ZRANB1: variants seen among roughly 807,000 people sequenced by gnomAD.
The protein encoded by ZRANB1 is zinc finger RANBP2-type containing 1.
In ZRANB1, 16 loss-of-function variants were observed where a neutral mutation model predicts 80.5. The observed-to-expected ratio is 0.20, with a 90% CI of 0.13 to 0.30. The LOEUF (loss-of-function observed/expected upper bound fraction) is 0.30. ZRANB1 is among the 10% of genes least tolerant of loss of function. ZRANB1 has a pLI of 1.00. For missense variants in ZRANB1, 576 were observed against 862.6 expected (o/e 0.67, Z 4.16); for synonymous variants, 291 against 293.1 (o/e 0.99, Z 0.07).
At position 124,942,452 on chromosome 10, in the gene ZRANB1, T is replaced by G. The variant is rs372706643; in HGVS notation, c.-42T>G. 2 of 1,610,826 alleles carry G rather than the reference T, an allele frequency of 1.2e-6. No individual in the cohort carries two copies. The highest frequency in any genetic ancestry group is 2.7e-5 in the African/African-American group (2 of 74,856). On this transcript the variant is annotated 5_prime_UTR_variant, in exon 1 of 9. Transcript: ENST00000359653. ...TTTTAATAACCATGTCCTAATTATTTATAGCTTCCTGCCTGACACAGCTCA... is the reference window on the plus strand; with the variant it reads ...TTTTAATAACCATGTCCTAATTATTGATAGCTTCCTGCCTGACACAGCTCA...
the ZRANB1 span, among the ~76,000 whole-genome samples, chr10:124,922,492 A>AT: frequency 0.04 from 5,257 of 132,090 alleles, 250 homozygotes; most frequent in African/African-American, 0.12. Flanking sequence ...CACCTGGCTA[A>AT]TTTTTTTTTT....
At chr10:124,934,921 C>T in the ZRANB1 span, among the ~76,000 whole-genome samples, 3 of 152,128 alleles carry the variant, frequency 2.0e-5, no homozygotes, top group Non-Finnish European at 4.4e-5. Flanking sequence ...GGAAGAAAAG[C>T]TACTGAGATT....
At chr10:124,940,291 G>C (rs1951523323), upstream of ZRANB1, among the ~76,000 whole-genome samples, 1 of 152,222 alleles carries the variant, frequency 6.6e-6, no homozygotes, top group African/African-American at 2.4e-5. Context: ...TTAAAATAGA[G>C]AATTGATAAA....
intron 1 of ZRANB1, among the ~76,000 whole-genome samples, chr10:124,962,198 G>C (rs915227514): frequency 1.3e-5 from 2 of 152,182 alleles, no homozygotes; most frequent in African/African-American, 4.8e-5. Flanking sequence ...TTAAACTCTG[G>C]CTAGAGGAAA....
rs116007887 is a variant in ZRANB1 at position 124,943,437 on chromosome 10, G to A, written c.814+130G>A. 1,647 of 818,444 alleles carry A rather than the reference G, an allele frequency of 2.0e-3. 15 individuals carry two copies. The highest frequency in any genetic ancestry group is 0.019 in the African/African-American group (1,084 of 58,004). 50.7% of individuals were successfully genotyped at this position (818,444 alleles called of 1,614,324 possible). On this transcript the variant is annotated intron_variant, in intron 1 of 8. Coordinates refer to ENST00000359653, the MANE Select transcript of ZRANB1 (RefSeq NM_017580.3). Reference sequence around the variant, plus strand: ...TGCTTGAAACCAGGAGTTTGAGGCTGTAGTATGCCATGATCGGTCTGTGAA... The same window carrying A: ...TGCTTGAAACCAGGAGTTTGAGGCTATAGTATGCCATGATCGGTCTGTGAA...
chr10:124,951,146 T>G (rs1951635672), intron 1 of ZRANB1, among the ~76,000 whole-genome samples: 1 of 152,224 alleles, frequency 6.6e-6, no homozygotes, highest in Admixed American at 6.5e-5. Context: ...ACATTTACAA[T>G]TTGTCAGAGG....
At chr10:124,932,700 A>G in the ZRANB1 span, among the ~76,000 whole-genome samples, 1 of 150,086 alleles carries the variant, frequency 6.7e-6, no homozygotes, top group African/African-American at 2.5e-5. Flanking sequence ...AATTGTTTTA[A>G]TTTGTAATTA....
Position 124,984,800 on chromosome 10 carries a change from A to T in ZRANB1, c.1935A>T (p.Lys645Asn). 1 of 1,613,556 alleles carries T rather than the reference A, an allele frequency of 6.2e-7. No individual in the cohort carries two copies. The highest frequency in any genetic ancestry group is 8.5e-7 in the Non-Finnish European group (1 of 1,179,812). The change falls in exon 9 of 9, where the codon AAA (lysine) becomes AAT (asparagine). Residue 645 changes from lysine (K) to asparagine (N), a missense_variant. Around this residue, in one of 3 missense-constraint regions of ZRANB1, gnomAD observed 152 missense variants for 221.9 expected, o/e 0.69. Transcript: ENST00000359653. ...TAGGTAATGAGGAACAGCAAGAAAA[A>T]CTGCTCAGGGAGTGGCTGGACTGCT... ...QELGNEEQQE[K>N]LLREWLDCCV...
the ZRANB1 span, among the ~76,000 whole-genome samples, chr10:124,923,236 G>C: frequency 5.9e-5 from 9 of 151,884 alleles, no homozygotes; most frequent in African/African-American, 1.2e-4. Flanking sequence ...GCAGAGAGCC[G>C]AGCTACACTC....
In ZRANB1 at chr10:124,985,722, A is replaced by G. The variant is rs1952017961; in HGVS notation, c.*730A>G. 6.6e-6 allele frequency: 1 copy of G among 152,542 alleles called. No homozygotes were observed. The highest frequency in any genetic ancestry group is 2.1e-4 in the South Asian group (1 of 4,832). The allele number at this position is 152,542 out of a possible 1,614,324, so 9.4% of individuals were successfully genotyped here. Reference sequence around the variant, plus strand: ...ATTTATTTGTTGGGAAGAATACCTTAAAATGAGGGTTCTTATTCCAGATTC... The same window carrying G: ...ATTTATTTGTTGGGAAGAATACCTTGAAATGAGGGTTCTTATTCCAGATTC... On this transcript the variant is annotated 3_prime_UTR_variant, in exon 9 of 9. Coordinates refer to ENST00000359653, the MANE Select transcript of ZRANB1 (RefSeq NM_017580.3).
chr10:124,936,691 C>T, the ZRANB1 span, among the ~76,000 whole-genome samples: 4 of 152,216 alleles, frequency 2.6e-5, no homozygotes, highest in Non-Finnish European at 4.4e-5. Flanking sequence ...ATGTGCGATA[C>T]TTTGGCTTAA....
the ZRANB1 span, among the ~76,000 whole-genome samples, chr10:124,922,817 C>T: frequency 7.2e-5 from 11 of 152,052 alleles, no homozygotes; most frequent in Middle Eastern, 3.4e-3. Context: ...TGTATTCAGC[C>T]GTGGTAAGCC....
upstream of ZRANB1, among the ~76,000 whole-genome samples, chr10:124,941,552 A>G (rs1026321926): frequency 4.6e-5 from 7 of 152,052 alleles, no homozygotes; most frequent in African/African-American, 1.7e-4. Flanking sequence ...GGGCTTTACC[A>G]TCTTGGCCAG....
the ZRANB1 span, among the ~76,000 whole-genome samples, chr10:124,933,741 A>T: frequency 6.6e-6 from 1 of 152,156 alleles, no homozygotes; most frequent in Admixed American, 6.5e-5. Context: ...TTGACCTGGG[A>T]TGTCTCAAAC....
At chr10:124,932,335 G>A in the ZRANB1 span, among the ~76,000 whole-genome samples, 1 of 142,916 alleles carries the variant, frequency 7.0e-6, no homozygotes, top group Non-Finnish European at 1.5e-5. Context: ...TGTTGCCCAG[G>A]CTGGAGTGTA....
chr10:124,968,626 G>T (rs1458389847), intron 2 of ZRANB1, among the ~76,000 whole-genome samples: 1 of 152,152 alleles, frequency 6.6e-6, no homozygotes, highest in African/African-American at 2.4e-5. Context: ...TAGTTGTGTT[G>T]TCTATTGTAT....
intron 5 of ZRANB1, among the ~76,000 whole-genome samples, chr10:124,979,757 T>C (rs752400456): frequency 9.9e-5 from 15 of 152,232 alleles, no homozygotes; most frequent in Non-Finnish European, 1.9e-4. Context: ...GTTGTTTCGG[T>C]ACCTTTAATT....
chr10:124,931,126 A>G, the ZRANB1 span, among the ~76,000 whole-genome samples: 1 of 151,890 alleles, frequency 6.6e-6, no homozygotes, highest in Non-Finnish European at 1.5e-5. Context: ...TCTTGGCTGT[A>G]GTGCAGTGGT....
intron 2 of ZRANB1, among the ~76,000 whole-genome samples, chr10:124,969,060 G>T (rs929826202): frequency 2.6e-5 from 4 of 152,158 alleles, no homozygotes; most frequent in African/African-American, 9.7e-5. Flanking sequence ...GCCCACTCAG[G>T]TGGCTTTTGG....
Sources: gnomAD v4.1 joint callset for allele counts (sites outside exome capture counted in the v4.1 genomes callset) on GRCh38, gnomAD v4.1.1 for gene constraint, gnomAD v4.1.1 regional missense constraint, MANE v1.5 for transcripts, NCBI Gene and HGNC (gene_info 2026-07-23, HGNC 2026-07-21) for gene names.